The following EIF3J variants were observed in gnomAD, a reference collection of about 807,000 sequenced individuals.
EIF3J encodes eukaryotic translation initiation factor 3, subunit 1 (alpha, 35kD).
Under a neutral mutation model 39.0 loss-of-function variants are expected in EIF3J, and 15 were observed. That is an observed-to-expected ratio of 0.38 (90% CI 0.26 to 0.59). EIF3J has a LOEUF of 0.59. Ranked by LOEUF, EIF3J falls within the 20% of genes least tolerant of loss-of-function variation. EIF3J has a pLI of 0.60. For missense variants in EIF3J, 226 were observed against 308.6 expected, an observed-to-expected ratio of 0.73 and a Z score of 2.00; for synonymous variants, 98 against 112.9, an observed-to-expected ratio of 0.87 and a Z score of 0.84.
chr15:44,555,249 C>T (rs956003547), intron 5 of EIF3J, among the ~76,000 whole-genome samples: 3 of 152,196 alleles, frequency 2.0e-5, no homozygotes, highest in Admixed American at 6.5e-5. Context: ...GAGTAAGAGA[C>T]ATGGCTAGAG....
rs1388877984 is a variant in EIF3J, at chr15:44,551,354, T to C, written c.203-77T>C. 4 of 944,728 alleles carry C rather than the reference T, an allele frequency of 4.2e-6. No individual in the cohort carries two copies. In the African/African-American group the frequency reaches 5.0e-5, roughly 12 times the overall value. The allele number at this position is 944,728 out of a possible 1,614,324, so 58.5% of individuals were successfully genotyped here. ...GGAAAGGTTTGGTCTCTTAATAGTATACAAGTATCATGTCTGTCTCATCCA... is the reference window on the plus strand; with the variant it reads ...GGAAAGGTTTGGTCTCTTAATAGTACACAAGTATCATGTCTGTCTCATCCA... On this transcript the variant is annotated intron_variant, in intron 3 of 7. Transcript: ENST00000261868.
At chr15:44,540,263 ATATATTTTT>A (rs1166686363) in intron 2 of EIF3J, among the ~76,000 whole-genome samples, 18 of 61,518 alleles carry the variant, frequency 2.9e-4, no homozygotes, top group African/African-American at 8.6e-4. Context: ...ATATATATAT[ATATATTTTT>A]TTTTTTTTTT....
At position 44,559,476 on chromosome 15, in the gene EIF3J, C is replaced by T. The variant is rs548503122; in HGVS notation, c.572-773C>T. On this transcript the variant is annotated intron_variant, in intron 6 of 7. Transcript: ENST00000261868. ...CTGTAACCCCAGCACTTTGGGAGGC[C>T]GAGGCAGGCGGATCACGTCAGGAGA... Among the ~76,000 whole-genome samples, 34 of 151,196 alleles carry T rather than the reference C, an allele frequency of 2.2e-4. No homozygotes were observed. The South Asian group carries it at 5.9e-3, about 26-fold the overall frequency.
intron 3 of EIF3J, 97 bp downstream of exon 3, chr15:44,551,027 A>G (rs1483963902): frequency 6.8e-7 from 1 of 1,480,520 alleles, no homozygotes. Flanking sequence ...AAAATGGAAC[A>G]TTTTGGTATT....
intron 2 of EIF3J, among the ~76,000 whole-genome samples, chr15:44,539,438 C>T (rs995081726): frequency 2.6e-5 from 4 of 151,370 alleles, no homozygotes; most frequent in Admixed American, 6.6e-5. Flanking sequence ...AATGGAGTCT[C>T]GCTCTGTCAC....
intron 2 of EIF3J, among the ~76,000 whole-genome samples, chr15:44,541,213 T>TA (rs1417185316): frequency 6.6e-6 from 1 of 152,214 alleles, no homozygotes; most frequent in Non-Finnish European, 1.5e-5. Context: ...TCATTGCTGG[T>TA]ATGATATGTA....
rs542849430 is a variant in EIF3J, at chr15:44,552,625, C to G, written c.294+1103C>G. 2.5e-4 allele frequency among the ~76,000 whole-genome samples: 37 copies of G among 150,916 alleles called. 1 individual carries two copies. The highest frequency in any genetic ancestry group is 4.7e-4 in the Non-Finnish European group (32 of 67,728). ...AGTCGCCCAGGCGGGAGTGCAATGG[C>G]GTGATCTTGGCTCACTGCAACCTTC... On this transcript the variant is annotated intron_variant, in intron 4 of 7. Transcript: ENST00000261868.
At chr15:44,547,295 C>CACCA (rs1000236333) in intron 2 of EIF3J, among the ~76,000 whole-genome samples, 1 of 151,770 alleles carries the variant, frequency 6.6e-6, no homozygotes, top group Non-Finnish European at 1.5e-5. Context: ...AGGCATGTGC[C>CACCA]ACCACACCCA....
chr15:44,541,922 G>A (rs889978876), intron 2 of EIF3J, among the ~76,000 whole-genome samples: 3 of 152,172 alleles, frequency 2.0e-5, no homozygotes, highest in Non-Finnish European at 2.9e-5. Context: ...AAACTAGCAA[G>A]TTTTGAATTA....
At chr15:44,557,400 G>A (rs1336409441) in intron 5 of EIF3J, 89 bp from the exon 6 acceptor site, 1 of 1,004,586 alleles carries the variant, frequency 1.0e-6, no homozygotes, top group Non-Finnish European at 1.4e-6. Context: ...GAAACGACAG[G>A]GTTATTCAGA....
At chr15:44,552,410 A>G (rs945074932) in intron 4 of EIF3J, among the ~76,000 whole-genome samples, 2 of 151,860 alleles carry the variant, frequency 1.3e-5, no homozygotes, top group African/African-American at 4.8e-5. Flanking sequence ...ATGCCTGGCT[A>G]ATCTTTGTAT....
Position 44,562,314 on chromosome 15 carries a change from A to T in EIF3J, c.*1165A>T, listed in dbSNP as rs2082208389. ...GACATTATTTTGTTATTTAGATACC[A>T]AGGCCTAATTAATTAAGTACCTATA... On this transcript the variant is annotated 3_prime_UTR_variant, in exon 8 of 8. Coordinates refer to ENST00000261868, the MANE Select transcript of EIF3J (RefSeq NM_003758.4). 6.5e-6 allele frequency: 1 copy of T among 152,736 alleles called. No individual in the cohort carries two copies. Among genetic ancestry groups the T allele is most frequent in the African/African-American group, 2.4e-5 (1 of 41,570 alleles). 9.5% of individuals were successfully genotyped at this position (152,736 alleles called of 1,614,324 possible).
At chr15:44,553,302 C>G (rs1331331014) in intron 4 of EIF3J, among the ~76,000 whole-genome samples, 2 of 151,644 alleles carry the variant, frequency 1.3e-5, no homozygotes, top group African/African-American at 4.8e-5. Context: ...ACCATCCTGG[C>G]TAACACGGTG....
chr15:44,550,896 T>C lies in EIF3J; in HGVS notation c.168T>C (p.Asp56=). 3.1e-6 allele frequency: 5 copies of C among 1,609,192 alleles called. No individual in the cohort carries two copies. The highest frequency in any genetic ancestry group is 3.4e-6 in the Non-Finnish European group (4 of 1,176,946). ...TTTAGGATAACTGGGATGACGATGA[T>C]GATGAAAAAAAAGAGGAAGCAGAAG... ...EDVKDNWDDD[D]DEKKEEAEVK... The change falls in exon 3 of 8, where the codon GAT becomes GAC. Residue 56 remains aspartate (D), a synonymous_variant. Coordinates refer to ENST00000261868, the MANE Select transcript of EIF3J (RefSeq NM_003758.4).
At chr15:44,554,445 C>A in intron 4 of EIF3J, 108 bp from the exon 5 acceptor site, 12 of 361,432 alleles carry the variant, frequency 3.3e-5, no homozygotes, top group East Asian at 2.0e-4. Flanking sequence ...TACCAGTGTT[C>A]ACTTTTATTT....
chr15:44,539,323 G>C (rs1162646192), intron 2 of EIF3J, among the ~76,000 whole-genome samples: 1 of 151,962 alleles, frequency 6.6e-6, no homozygotes, highest in Non-Finnish European at 1.5e-5. Context: ...ACCGTACCCA[G>C]CCTCTGATGA....
chr15:44,549,953 CAAA>C (rs761682769), intron 2 of EIF3J, among the ~76,000 whole-genome samples: 7 of 95,604 alleles, frequency 7.3e-5, no homozygotes, highest in Admixed American at 6.7e-4. Context: ...AACTCCGTCT[CAAA>C]AAAAAAAAAA....
chr15:44,562,311 A>G lies in EIF3J; in HGVS notation c.*1162A>G, dbSNP rs1204720821. On this transcript the variant is annotated 3_prime_UTR_variant, in exon 8 of 8. Coordinates refer to ENST00000261868, the MANE Select transcript of EIF3J (RefSeq NM_003758.4). ...GGGGACATTATTTTGTTATTTAGAT[A>G]CCAAGGCCTAATTAATTAAGTACCT... is the stretch of plus-strand genomic sequence containing the variant. 6.6e-6 allele frequency: 1 copy of G among 152,600 alleles called. No homozygotes were observed. The highest frequency in any genetic ancestry group is 6.6e-5 in the Admixed American group (1 of 15,264). The allele number at this position is 152,600 out of a possible 1,614,324, so 9.5% of individuals were successfully genotyped here. A position where few individuals can be genotyped will look rare whatever the true frequency, so the allele number is the denominator to read the frequency against.
chr15:44,555,600 G>A (rs1381675861), intron 5 of EIF3J, among the ~76,000 whole-genome samples: 1 of 152,178 alleles, frequency 6.6e-6, no homozygotes, highest in African/African-American at 2.4e-5. Context: ...GCTCTTGGCT[G>A]TTAATATGTG....
Sources: gnomAD v4.1 joint callset for allele counts (sites outside exome capture counted in the v4.1 genomes callset) on GRCh38, gnomAD v4.1.1 for gene constraint, MANE v1.5 for transcripts, NCBI Gene and HGNC (gene_info 2026-07-23, HGNC 2026-07-21) for gene names.